The following CDH4 variants were observed in gnomAD, a reference collection of about 807,000 sequenced individuals.
The protein encoded by CDH4 is cadherin 4.
In CDH4, 33 loss-of-function variants were observed where a neutral mutation model predicts 86.0. The ratio of observed to expected loss-of-function variants is 0.38; its 90% CI spans 0.29 to 0.51. The LOEUF (loss-of-function observed/expected upper bound fraction) is 0.51, where lower values mean the gene tolerates loss of function less well. Among genes scored for constraint, CDH4 ranks in the 20% least tolerant of loss-of-function variants. The pLI is 0.86. For synonymous variants in CDH4, 555 were observed against 549.4 expected (o/e 1.01, Z -0.14); for missense variants, 1,114 against 1,307.4 (o/e 0.85, Z 2.28).
chr20:61,587,252 G>A (rs1212596621), intron 2 of CDH4, among the ~76,000 whole-genome samples: 1 of 152,052 alleles, frequency 6.6e-6, no homozygotes, highest in Non-Finnish European at 1.5e-5. Flanking sequence ...TTGAAGGGGG[G>A]CCACTGAGTG....
chr20:61,387,810 C>A (rs927773816), intron 2 of CDH4, among the ~76,000 whole-genome samples: 3 of 152,208 alleles, frequency 2.0e-5, no homozygotes, highest in African/African-American at 4.8e-5. Flanking sequence ...AAGCCCGCAC[C>A]GGCCCGTGGC....
At chr20:61,531,464 C>G (rs1367416188) in intron 2 of CDH4, among the ~76,000 whole-genome samples, 1 of 109,752 alleles carries the variant, frequency 9.1e-6, no homozygotes. Flanking sequence ...CAGAGCAAGA[C>G]TGCATCTCAA....
intron 2 of CDH4, among the ~76,000 whole-genome samples, chr20:61,664,520 C>T (rs574118894): frequency 2.6e-5 from 4 of 152,332 alleles, no homozygotes; most frequent in East Asian, 1.9e-4. Context: ...GGCTGGGAGC[C>T]GGGCCCAGGA....
At chr20:61,635,568 C>T (rs1354562860) in intron 2 of CDH4, among the ~76,000 whole-genome samples, 4 of 152,144 alleles carry the variant, frequency 2.6e-5, no homozygotes, top group African/African-American at 9.7e-5. Flanking sequence ...CCCATGGTCC[C>T]CTGAGAAGGA....
At chr20:61,360,508 A>G (rs113911281) in intron 2 of CDH4, among the ~76,000 whole-genome samples, 43 of 152,318 alleles carry the variant, frequency 2.8e-4, no homozygotes, top group African/African-American at 1.0e-3. Context: ...GACGCTGTCC[A>G]GTGCTGCAGA....
intron 2 of CDH4, among the ~76,000 whole-genome samples, chr20:61,686,747 A>G (rs1455266126): frequency 1.4e-5 from 2 of 141,354 alleles, no homozygotes; most frequent in Non-Finnish European, 3.1e-5. Context: ...GTGTGTGCAT[A>G]TGTGTATATG....
intron 8 of CDH4, among the ~76,000 whole-genome samples, chr20:61,906,426 A>G (rs544680354): frequency 1.3e-5 from 2 of 152,376 alleles, no homozygotes; most frequent in South Asian, 4.1e-4. Flanking sequence ...TTGGGGTGAC[A>G]TGGCCGCAGG....
chr20:61,682,621 A>G (rs2087529588), intron 2 of CDH4, among the ~76,000 whole-genome samples: 1 of 151,954 alleles, frequency 6.6e-6, no homozygotes, highest in Non-Finnish European at 1.5e-5. Flanking sequence ...GGAAGGGAGG[A>G]GAGGAGAGAA....
intron 2 of CDH4, among the ~76,000 whole-genome samples, chr20:61,688,509 G>A (rs1479110277): frequency 6.6e-6 from 1 of 152,214 alleles, no homozygotes; most frequent in Non-Finnish European, 1.5e-5. Flanking sequence ...ACTAACTCTT[G>A]GTCCCCTGGA....
At chr20:61,628,070 C>T (rs868851180) in intron 2 of CDH4, among the ~76,000 whole-genome samples, 5 of 152,128 alleles carry the variant, frequency 3.3e-5, no homozygotes, top group African/African-American at 1.2e-4. Flanking sequence ...TGTGGGGACG[C>T]GTGGACACAA....
intron 2 of CDH4, among the ~76,000 whole-genome samples, chr20:61,581,764 A>G (rs2086430557): frequency 6.6e-6 from 1 of 152,190 alleles, no homozygotes; most frequent in African/African-American, 2.4e-5. Context: ...CCTAGGTCCT[A>G]GGGATCAGGA....
chr20:61,337,520 G>A (rs1600879101), intron 2 of CDH4, among the ~76,000 whole-genome samples: 4 of 151,906 alleles, frequency 2.6e-5, no homozygotes, highest in South Asian at 4.2e-4. Flanking sequence ...ATGATGAAAG[G>A]GAAGATGAGG....
chr20:61,850,041 C>T (rs1982642121), intron 5 of CDH4, among the ~76,000 whole-genome samples: 1 of 152,240 alleles, frequency 6.6e-6, no homozygotes, highest in Non-Finnish European at 1.5e-5. Context: ...ACGACTGTGA[C>T]ACGTGTCACC....
chr20:61,893,423 GATAGATAA>G (rs1984939618), intron 7 of CDH4, among the ~76,000 whole-genome samples: 1 of 151,498 alleles, frequency 6.6e-6, no homozygotes, highest in Non-Finnish European at 1.5e-5. Context: ...GGGGTGAGTG[GATAGATAA>G]ATGGATGGGT....
intron 2 of CDH4, among the ~76,000 whole-genome samples, chr20:61,455,793 C>T (rs764512522): frequency 1.3e-5 from 2 of 152,136 alleles, no homozygotes; most frequent in African/African-American, 2.4e-5. Flanking sequence ...CTGAGATCCT[C>T]GAGGACGCTG....
At position 61,676,991 on chromosome 20, in the gene CDH4, C is replaced by G. The variant is rs2087451173; in HGVS notation, c.170-66572C>G. On this transcript the variant is annotated intron_variant, in intron 2 of 15. Coordinates refer to ENST00000614565, the MANE Select transcript of CDH4 (RefSeq NM_001794.5). This position sits in a 1 kb window ranked among gnomAD's most constrained non-coding sequence, Gnocchi z 4.5. ...AGGAGGGGCTGTGGTGTGGCCCCAG[C>G]AGAGCAGACCAGGAGGGTGCTGAGG... Among the ~76,000 whole-genome samples, 1 of 152,140 alleles carries G rather than the reference C, an allele frequency of 6.6e-6. No individual in the cohort carries two copies. The highest frequency in any genetic ancestry group is 6.5e-5 in the Admixed American group (1 of 15,276).
chr20:61,682,413 C>G (rs916313302), intron 2 of CDH4, among the ~76,000 whole-genome samples: 1 of 102,734 alleles, frequency 9.7e-6, no homozygotes, highest in African/African-American at 3.9e-5. Flanking sequence ...GACAGAGGGA[C>G]AGATGGAAGG....
intron 4 of CDH4, among the ~76,000 whole-genome samples, chr20:61,816,643 G>A (rs62206300): frequency 0.41 from 61,463 of 151,304 alleles, 15,453 homozygotes; most frequent in Non-Finnish European, 0.57. Context: ...TAAGGCAGGC[G>A]GGCATTGGAG....
intron 7 of CDH4, among the ~76,000 whole-genome samples, chr20:61,892,688 C>T (rs1984874955): frequency 6.6e-6 from 1 of 152,074 alleles, no homozygotes; most frequent in South Asian, 2.1e-4. Flanking sequence ...TAAAAGATCC[C>T]AAAACTTAGC....
Sources: allele counts gnomAD v4.1 joint callset (sites outside exome capture counted in the v4.1 genomes callset), GRCh38; gene constraint gnomAD v4.1.1; non-coding constraint Gnocchi (gnomAD v3.1); transcripts MANE v1.5; gene names NCBI Gene and HGNC (gene_info 2026-07-23, HGNC 2026-07-21).